The following GRM3 variants were observed in gnomAD, a reference collection of about 807,000 sequenced individuals.
The protein encoded by GRM3 is glutamate metabotropic receptor 3, also known as metabotropic glutamate receptor 3.
In GRM3, 26 loss-of-function variants were observed where a neutral mutation model predicts 70.5. The observed-to-expected ratio is 0.37, with a 90% CI of 0.27 to 0.51. The LOEUF is 0.51. Among genes scored for constraint, GRM3 ranks in the 20% least tolerant of loss-of-function variants. GRM3 has a pLI of 0.93. For missense variants in GRM3, 859 were observed against 1,123.8 expected (o/e 0.76, Z 3.37); for synonymous variants, 443 against 434.9 (o/e 1.02, Z -0.23).
intron 4 of GRM3, among the ~76,000 whole-genome samples, chr7:86,846,662 A>G (rs1293173249): frequency 6.6e-6 from 1 of 152,182 alleles, no homozygotes; most frequent in African/African-American, 2.4e-5. Flanking sequence ...CTGTTCCTCA[A>G]ACTTCGACCA....
At chr7:86,672,340 G>T (rs1794192232) in intron 1 of GRM3, among the ~76,000 whole-genome samples, 1 of 152,102 alleles carries the variant, frequency 6.6e-6, no homozygotes, top group Non-Finnish European at 1.5e-5. Context: ...ATTGGGATAA[G>T]GTAGGGAATA....
chr7:86,695,577 G>C (rs1794797208), intron 1 of GRM3, among the ~76,000 whole-genome samples: 1 of 152,070 alleles, frequency 6.6e-6, no homozygotes, highest in Non-Finnish European at 1.5e-5. Context: ...ATACCACATG[G>C]CTTCAAATCA....
rs1221678043 is a variant in GRM3, at chr7:86,809,723, C to T, written c.1324+22607C>T. Among the ~76,000 whole-genome samples the T allele has an allele frequency of 3.9e-5, 6 of 151,994 alleles. No homozygotes were observed. The East Asian group carries it at 1.2e-3, about 29-fold the overall frequency. ...AAAAGTTTGTTGAGGAGACTACCCT[C>T]CAACAAGCGCTAGTCTCCTGGGAAA... On this transcript the variant is annotated intron_variant, in intron 3 of 5. Coordinates refer to ENST00000361669, the MANE Select transcript of GRM3 (RefSeq NM_000840.3).
chr7:86,847,283 A>G (rs2116761369), intron 4 of GRM3, among the ~76,000 whole-genome samples: 1 of 152,288 alleles, frequency 6.6e-6, no homozygotes, highest in East Asian at 1.9e-4. Flanking sequence ...ATTTCCCAAC[A>G]GAATTTGCTG....
At chr7:86,819,654 C>T (rs1193656960) in intron 3 of GRM3, among the ~76,000 whole-genome samples, 1 of 152,148 alleles carries the variant, frequency 6.6e-6, no homozygotes, top group African/African-American at 2.4e-5. Context: ...CGTGTCAAAA[C>T]TGCAATTTCT....
intron 3 of GRM3, among the ~76,000 whole-genome samples, chr7:86,837,076 A>G (rs1798470717): frequency 6.6e-6 from 1 of 152,214 alleles, no homozygotes; most frequent in Non-Finnish European, 1.5e-5. Context: ...GTAGGGTGAG[A>G]TAACAAGAAC....
chr7:86,644,921 G>C (rs1189280293), intron 1 of GRM3, 49 bp downstream of exon 1: 1 of 1,120,734 alleles, frequency 8.9e-7, no homozygotes, highest in East Asian at 5.8e-5. Context: ...GCCCAGCCAG[G>C]GCGCGGAAGC....
chr7:86,722,082 T>C (rs1208562407), intron 1 of GRM3, among the ~76,000 whole-genome samples: 1 of 152,106 alleles, frequency 6.6e-6, no homozygotes, highest in Non-Finnish European at 1.5e-5. Context: ...GGCACAATTC[T>C]CAATATTACT....
chr7:86,834,930 T>C (rs1435491716), intron 3 of GRM3, among the ~76,000 whole-genome samples: 1 of 152,102 alleles, frequency 6.6e-6, no homozygotes, highest in Non-Finnish European at 1.5e-5. Context: ...TAATGAACTT[T>C]CTCTAATCAT....
intron 1 of GRM3, among the ~76,000 whole-genome samples, chr7:86,675,285 A>G (rs1010991049): frequency 3.9e-5 from 6 of 152,118 alleles, no homozygotes; most frequent in Non-Finnish European, 5.9e-5. Flanking sequence ...TAGGATTTAT[A>G]GACCCAGGAC....
At chr7:86,858,012 A>G (rs1299467073) in intron 5 of GRM3, among the ~76,000 whole-genome samples, 1 of 151,456 alleles carries the variant, frequency 6.6e-6, no homozygotes, top group Non-Finnish European at 1.5e-5. Context: ...GCTGGAGTGC[A>G]GTGGCACAAT....
chr7:86,753,085 G>A (rs73194524), intron 1 of GRM3, among the ~76,000 whole-genome samples: 3,264 of 151,920 alleles, frequency 0.021, 103 homozygotes, highest in African/African-American at 0.072. Context: ...TGCATCATCC[G>A]CACAGCCAGC....
rs554426118 is a variant in GRM3 at position 86,678,826 on chromosome 7, C to A, written c.-141+33954C>A. On this transcript the variant is annotated intron_variant, in intron 1 of 5. Transcript: ENST00000361669. ...CAGAGCTCTTGAGTCAACATATTTG[C>A]AGTGTAAGGCATTTCTGCTTTCATG... Among the ~76,000 whole-genome samples the A allele has an allele frequency of 6.6e-5, 10 of 152,000 alleles. No homozygotes were observed. In the South Asian group the frequency reaches 2.1e-3, roughly 32 times the overall value.
chr7:86,755,301 T>A (rs1328344002), intron 1 of GRM3, among the ~76,000 whole-genome samples: 3 of 152,144 alleles, frequency 2.0e-5, no homozygotes, highest in African/African-American at 7.2e-5. Context: ...ACTTCCCAAA[T>A]GTTGAAATTT....
At chr7:86,836,398 C>T (rs1284875159) in intron 3 of GRM3, among the ~76,000 whole-genome samples, 3 of 152,040 alleles carry the variant, frequency 2.0e-5, no homozygotes, top group African/African-American at 7.2e-5. Context: ...TACTTAGCTA[C>T]AAGATAATAG....
intron 1 of GRM3, among the ~76,000 whole-genome samples, chr7:86,714,067 A>C (rs1795259216): frequency 6.6e-6 from 1 of 151,990 alleles, no homozygotes; most frequent in Admixed American, 6.6e-5. Context: ...ACAAGAGTCA[A>C]GGGCACATCC....
chr7:86,757,833 G>T (rs1218365594), intron 1 of GRM3, among the ~76,000 whole-genome samples: 2 of 152,020 alleles, frequency 1.3e-5, no homozygotes. Context: ...CAATTTTGTA[G>T]TTATTTTCAG....
intron 1 of GRM3, among the ~76,000 whole-genome samples, chr7:86,711,952 A>G (rs1324320366): frequency 6.6e-6 from 1 of 152,042 alleles, no homozygotes; most frequent in Non-Finnish European, 1.5e-5. Context: ...ATTCTACATG[A>G]ATGTTGAGAA....
At chr7:86,806,945 G>C (rs1236906164) in intron 3 of GRM3, among the ~76,000 whole-genome samples, 1 of 149,432 alleles carries the variant, frequency 6.7e-6, no homozygotes, top group Non-Finnish European at 1.5e-5. Context: ...AGGGGGTCCA[G>C]TTTCAGCTTT....
Sources: gnomAD v4.1 joint callset for allele counts (sites outside exome capture counted in the v4.1 genomes callset) on GRCh38, gnomAD v4.1.1 for gene constraint, MANE v1.5 for transcripts, NCBI Gene and HGNC (gene_info 2026-07-23, HGNC 2026-07-21) for gene names.